Variants in PTPRN2 observed in about 807,000 individuals in gnomAD.
PTPRN2 encodes receptor-type tyrosine-protein phosphatase N2.
A neutral mutation model predicts 118.8 loss-of-function variants in PTPRN2; 74 were observed. The ratio of observed to expected loss-of-function variants is 0.62; its 90% CI spans 0.52 to 0.76. The LOEUF (loss-of-function observed/expected upper bound fraction) is 0.76, where lower values mean the gene tolerates loss of function less well. Ranked by LOEUF, PTPRN2 falls within the 30% of genes least tolerant of loss-of-function variation. The pLI, the probability that PTPRN2 is intolerant of heterozygous loss-of-function variation, is 0.00. For synonymous variants in PTPRN2, 641 were observed against 608.0 expected (o/e 1.05, Z -0.80); for missense variants, 1,481 against 1,394.4 (o/e 1.06, Z -0.99).
chr7:158,049,289 C>T (rs1242689483), intron 11 of PTPRN2, among the ~76,000 whole-genome samples: 1 of 152,112 alleles, frequency 6.6e-6, no homozygotes, highest in Non-Finnish European at 1.5e-5. Flanking sequence ...GGGCATCTCC[C>T]ATCATTCCCC....
At chr7:158,504,172 T>A (rs1212016594) in intron 1 of PTPRN2, among the ~76,000 whole-genome samples, 2 of 152,054 alleles carry the variant, frequency 1.3e-5, no homozygotes, top group African/African-American at 4.8e-5. Flanking sequence ...AGACCTGGGG[T>A]CATACTGTAC....
Position 158,022,571 on chromosome 7 carries a change from T to G in PTPRN2, c.1723+58727A>C, listed in dbSNP as rs1408118360. Among the ~76,000 whole-genome samples, 8 of 144,326 alleles carry G rather than the reference T, an allele frequency of 5.5e-5. No homozygotes were observed. The highest frequency in any genetic ancestry group is 1.5e-5 in the Non-Finnish European group (1 of 65,656). The allele number at this position is 144,326 out of a possible 152,430, so 94.7% of individuals were successfully genotyped here. On this transcript the variant is annotated intron_variant, in intron 11 of 22. Transcript: ENST00000389418. This position sits in a 1 kb window ranked among gnomAD's most constrained non-coding sequence, Gnocchi z 4.6. ...AGCCAAGGCCCCGGCACCCGGGCACTCTGTCTGGGGCAGCCCGTAATGTGT... is the reference window on the plus strand; with the variant it reads ...AGCCAAGGCCCCGGCACCCGGGCACGCTGTCTGGGGCAGCCCGTAATGTGT...
chr7:158,114,836 C>A (rs1816595716), intron 9 of PTPRN2, among the ~76,000 whole-genome samples: 1 of 152,136 alleles, frequency 6.6e-6, no homozygotes, highest in South Asian at 2.1e-4. Context: ...GCGCGAGAGG[C>A]AGACGCAGGG....
rs1245368939 is a variant in PTPRN2 at position 157,596,660 on chromosome 7, C to T, written c.2419-1345G>A. ...TCATCCCCAGGGCTCACCAGCTCCT[C>T]CCCACACCTCCCAGAAGCATCTGCA... On this transcript the variant is annotated intron_variant, in intron 16 of 22. Transcript: ENST00000389418. This position sits in a 1 kb window ranked among gnomAD's most constrained non-coding sequence, Gnocchi z 4.2. 6.6e-6 allele frequency among the ~76,000 whole-genome samples: 1 copy of T among 152,158 alleles called. No individual in the cohort carries two copies. Among genetic ancestry groups the T allele is most frequent in the Non-Finnish European group, 1.5e-5 (1 of 68,020 alleles).
At chr7:157,969,647 T>A (rs1324108975) in intron 11 of PTPRN2, among the ~76,000 whole-genome samples, 1 of 150,294 alleles carries the variant, frequency 6.7e-6, no homozygotes, top group Non-Finnish European at 1.5e-5. Context: ...AGGGTCTGAA[T>A]GGGGGTGGCT....
Position 158,529,161 on chromosome 7 carries a change from G to C in PTPRN2, c.113-39376C>G, listed in dbSNP as rs950307881. Among the ~76,000 whole-genome samples the C allele has an allele frequency of 2.6e-5, 4 of 152,246 alleles. No homozygotes were observed. The highest frequency in any genetic ancestry group is 9.6e-5 in the African/African-American group (4 of 41,470). On this transcript the variant is annotated intron_variant, in intron 1 of 22. Coordinates refer to ENST00000389418, the MANE Select transcript of PTPRN2 (RefSeq NM_002847.5). This position sits in a 1 kb window ranked among gnomAD's most constrained non-coding sequence, Gnocchi z 4.7. ...ATGATGCCTGGGACACAGGACATTA[G>C]AATGCCCGCAGCACTCACACAGCAC... is the stretch of plus-strand genomic sequence containing the variant.
At chr7:157,720,378 CT>C (rs973675032) in intron 12 of PTPRN2, among the ~76,000 whole-genome samples, 1 of 152,354 alleles carries the variant, frequency 6.6e-6, no homozygotes, top group Non-Finnish European at 1.5e-5. Context: ...CCAAACCCAC[CT>C]TGTCACTCTG....
chr7:157,616,785 T>G (rs1396073401), intron 15 of PTPRN2: 1 of 152,128 alleles, frequency 6.6e-6, no homozygotes, highest in African/African-American at 2.4e-5. Context: ...ATGATAACTT[T>G]TGGTCACTCA....
rs1415829844 is a variant in PTPRN2, at chr7:157,590,050, G to A, written c.2496+5188C>T. Among the ~76,000 whole-genome samples, 5 of 152,212 alleles carry A rather than the reference G, an allele frequency of 3.3e-5. No individual in the cohort carries two copies. The highest frequency in any genetic ancestry group is 7.3e-5 in the Non-Finnish European group (5 of 68,038). ...CACCCTTTTTGAATTTATGATTGCA[G>A]AAGGAACATCATATTCCAGATATCA... On this transcript the variant is annotated intron_variant, in intron 17 of 22. Transcript: ENST00000389418. The surrounding 1 kb of genome is among the most constrained non-coding windows in gnomAD (Gnocchi z 4.0).
At chr7:158,466,229 C>A (rs559027764) in intron 2 of PTPRN2, among the ~76,000 whole-genome samples, 78 of 152,280 alleles carry the variant, frequency 5.1e-4, no homozygotes, top group African/African-American at 1.8e-3. Context: ...TACATACAGT[C>A]CTCACGCTGT....
At position 157,540,721 on chromosome 7, in the gene PTPRN2, G is replaced by A; in HGVS notation, c.3041C>T (p.Pro1014Leu). 3 of 1,563,554 alleles carry A rather than the reference G, an allele frequency of 1.9e-6. No homozygotes were observed. Among genetic ancestry groups the A allele is most frequent in the South Asian group, 1.2e-5 (1 of 84,706 alleles). The change falls in exon 23 of 23, where the codon CCC (proline) becomes CTC (leucine). Residue 1014 changes from proline to leucine, a missense_variant. By Grantham distance (98) the Pro-to-Leu change is moderately conservative. Transcript: ENST00000389418. ...GGCCCCTGAGGCTGCCGCTCACTGG[G>A]GAAGGGCCTTGAGGATGGCGTTCAC... Reference protein sequence around the residue: ...EEVNAILKALPQ With the variant: ...EEVNAILKALLQ
intron 1 of PTPRN2, among the ~76,000 whole-genome samples, chr7:158,538,884 C>G (rs973677600): frequency 6.6e-6 from 1 of 152,168 alleles, no homozygotes; most frequent in Non-Finnish European, 1.5e-5. Flanking sequence ...AACGAAGACA[C>G]GACCCACCCA....
At chr7:158,014,323 C>T (rs1335334608) in intron 11 of PTPRN2, among the ~76,000 whole-genome samples, 4 of 151,018 alleles carry the variant, frequency 2.6e-5, no homozygotes, top group African/African-American at 7.3e-5. Flanking sequence ...CCCATCCATC[C>T]CTCATCCATC....
intron 1 of PTPRN2, among the ~76,000 whole-genome samples, chr7:158,548,627 A>G (rs147585220): frequency 1.3e-5 from 2 of 152,300 alleles, no homozygotes; most frequent in African/African-American, 4.8e-5. Context: ...TCTTTGTAAC[A>G]TATGCCTGTG....
At chr7:158,406,781 T>G (rs947207119) in intron 2 of PTPRN2, among the ~76,000 whole-genome samples, 9 of 152,198 alleles carry the variant, frequency 5.9e-5, no homozygotes, top group Non-Finnish European at 1.3e-4. Context: ...TGCTCCTGAT[T>G]TTGTTTTTTT....
rs986418585 is a variant in PTPRN2 at position 158,525,174 on chromosome 7, G to A, written c.113-35389C>T. On this transcript the variant is annotated intron_variant, in intron 1 of 22. Transcript: ENST00000389418. The surrounding 1 kb of genome is among the most constrained non-coding windows in gnomAD (Gnocchi z 4.1). ...CTTCCCAGCTCCAGGCTCTGGAGCC[G>A]GCTGCAGAGCACAGCGTGAGGCAGG... is the stretch of plus-strand genomic sequence containing the variant. 3.9e-5 allele frequency among the ~76,000 whole-genome samples: 6 copies of A among 152,266 alleles called. No individual in the cohort carries two copies. The highest frequency in any genetic ancestry group is 1.9e-4 in the East Asian group (1 of 5,174).
intron 12 of PTPRN2, among the ~76,000 whole-genome samples, chr7:157,736,837 A>G (rs1373609669): frequency 6.6e-6 from 1 of 152,192 alleles, no homozygotes; most frequent in Non-Finnish European, 1.5e-5. Flanking sequence ...CAGAGGAGGT[A>G]CAATCCCACC....
At chr7:157,770,243 G>GTAGA (rs1344257178) in intron 12 of PTPRN2, among the ~76,000 whole-genome samples, 6 of 152,388 alleles carry the variant, frequency 3.9e-5, no homozygotes, top group African/African-American at 1.4e-4. Flanking sequence ...CAGAGTTTAT[G>GTAGA]TAGATAGAAT....
At chr7:157,752,666 CCTCT>C (rs1185905051) in intron 12 of PTPRN2, among the ~76,000 whole-genome samples, 1 of 152,240 alleles carries the variant, frequency 6.6e-6, no homozygotes, top group Non-Finnish European at 1.5e-5. Context: ...CAGAGGCCAC[CCTCT>C]CTGTTTCCGT....
Sources: allele counts gnomAD v4.1 joint callset (sites outside exome capture counted in the v4.1 genomes callset), GRCh38; gene constraint gnomAD v4.1.1; non-coding constraint Gnocchi (gnomAD v3.1); transcripts MANE v1.5; gene names NCBI Gene and HGNC (gene_info 2026-07-23, HGNC 2026-07-21).